The following DLEU7 variants were observed in gnomAD, a reference collection of about 807,000 sequenced individuals.
DLEU7 encodes leukemia-associated protein 7.
In DLEU7, 17 loss-of-function variants were observed where a neutral mutation model predicts 16.0. The ratio of observed to expected loss-of-function variants is 1.06; its 90% CI spans 0.73 to 1.59. The LOEUF (loss-of-function observed/expected upper bound fraction) is 1.59. Among genes scored for constraint, DLEU7 ranks in the 40% most tolerant of loss-of-function variants. The pLI is 0.00. For missense variants in DLEU7, 308 were observed against 314.9 expected (o/e 0.98, Z 0.17); for synonymous variants, 113 against 139.8 (o/e 0.81, Z 1.35).
At chr13:50,806,923 AC>A (rs1053633048) in intron 1 of DLEU7, among the ~76,000 whole-genome samples, 1 of 135,056 alleles carries the variant, frequency 7.4e-6, no homozygotes, top group Non-Finnish European at 1.5e-5. Flanking sequence ...AGCCTGGGTG[AC>A]AGAGCTAGAC....
At chr13:50,718,922 G>A (rs1414836771) in intron 1 of DLEU7, among the ~76,000 whole-genome samples, 1 of 152,082 alleles carries the variant, frequency 6.6e-6, no homozygotes, top group Non-Finnish European at 1.5e-5. Context: ...TCAACAATGG[G>A]GGTTATAAAA....
chr13:50,785,280 T>C (rs1875768483), intron 1 of DLEU7, among the ~76,000 whole-genome samples: 1 of 152,196 alleles, frequency 6.6e-6, no homozygotes, highest in South Asian at 2.1e-4. Context: ...CTTTCAATTA[T>C]TTCACATCTT....
intron 1 of DLEU7, among the ~76,000 whole-genome samples, chr13:50,798,249 C>A (rs201975974): frequency 6.6e-6 from 1 of 152,188 alleles, no homozygotes; most frequent in Admixed American, 6.5e-5. Context: ...TGTATATTTA[C>A]AACTCATTCA....
chr13:50,763,922 A>G (rs1875021806), intron 1 of DLEU7, among the ~76,000 whole-genome samples: 1 of 152,230 alleles, frequency 6.6e-6, no homozygotes, highest in Non-Finnish European at 1.5e-5. Context: ...ACACCTGATA[A>G]ATGTCTGTAA....
At chr13:50,736,035 A>G (rs574581910) in intron 1 of DLEU7, among the ~76,000 whole-genome samples, 4 of 152,304 alleles carry the variant, frequency 2.6e-5, no homozygotes, top group Admixed American at 2.0e-4. Flanking sequence ...AAATAGTTCT[A>G]TCATGAAAAT....
At chr13:50,801,817 G>A (rs1212433037) in intron 1 of DLEU7, among the ~76,000 whole-genome samples, 1 of 152,062 alleles carries the variant, frequency 6.6e-6, no homozygotes, top group African/African-American at 2.4e-5. Context: ...TGTTTCCATG[G>A]TAGTGTTATT....
intron 1 of DLEU7, among the ~76,000 whole-genome samples, chr13:50,814,223 C>T (rs1876654755): frequency 6.6e-6 from 1 of 152,062 alleles, no homozygotes; most frequent in Admixed American, 6.6e-5. Flanking sequence ...CTTAGCTCTC[C>T]TCTACAAGGT....
intron 1 of DLEU7, among the ~76,000 whole-genome samples, chr13:50,770,696 G>A (rs948758066): frequency 3.9e-5 from 6 of 152,210 alleles, no homozygotes; most frequent in Non-Finnish European, 5.9e-5. Context: ...GAGGATTTTC[G>A]CATCGATGTT....
At chr13:50,741,106 A>G (rs893679522) in intron 1 of DLEU7, among the ~76,000 whole-genome samples, 2 of 152,174 alleles carry the variant, frequency 1.3e-5, no homozygotes, top group Admixed American at 6.5e-5. Flanking sequence ...TCTCTTCTCA[A>G]CGTATTTCTA....
At chr13:50,795,211 C>T (rs1055005552) in intron 1 of DLEU7, among the ~76,000 whole-genome samples, 2 of 152,132 alleles carry the variant, frequency 1.3e-5, no homozygotes, top group Non-Finnish European at 2.9e-5. Flanking sequence ...AAAGTAGCCT[C>T]TGGTCAGGGG....
chr13:50,842,138 G>A (rs1406287355), intron 1 of DLEU7, among the ~76,000 whole-genome samples: 2 of 152,110 alleles, frequency 1.3e-5, no homozygotes, highest in East Asian at 1.9e-4. Flanking sequence ...AAACCCCTAC[G>A]TAGAGAAACA....
At chr13:50,841,955 C>T (rs761262275) in intron 1 of DLEU7, among the ~76,000 whole-genome samples, 13 of 151,728 alleles carry the variant, frequency 8.6e-5, no homozygotes, top group Admixed American at 3.9e-4. Flanking sequence ...GCCCCCGCCA[C>T]CTTTGGCAGT....
At chr13:50,717,647 A>C (rs1347785845) in intron 1 of DLEU7, among the ~76,000 whole-genome samples, 2 of 151,816 alleles carry the variant, frequency 1.3e-5, no homozygotes, top group Non-Finnish European at 2.9e-5. Context: ...TCCATAAATC[A>C]GAACACTTTA....
chr13:50,786,417 TACA>T, intron 1 of DLEU7, among the ~76,000 whole-genome samples: 1 of 152,360 alleles, frequency 6.6e-6, no homozygotes. Flanking sequence ...ACGTGTACTA[TACA>T]ACATTAATAC....
Position 50,843,150 on chromosome 13 carries a change from C to A in DLEU7, c.459+38G>T. ...CCCACCCTTGGAGGATGGGAGGTTA[C>A]CCTGCACGCCAGAGGGGATGGCGGG... is the stretch of plus-strand genomic sequence containing the variant. On this transcript the variant is annotated intron_variant, in intron 1 of 1. Transcript: ENST00000504404. The surrounding 1 kb of genome is among the most constrained non-coding windows in gnomAD (Gnocchi z 5.7). 6.4e-7 allele frequency: 1 copy of A among 1,559,330 alleles called. No individual in the cohort carries two copies. The highest frequency in any genetic ancestry group is 1.2e-5 in the South Asian group (1 of 85,932).
chr13:50,780,409 A>G (rs1875620446), intron 1 of DLEU7, among the ~76,000 whole-genome samples: 1 of 152,230 alleles, frequency 6.6e-6, no homozygotes, highest in African/African-American at 2.4e-5. Flanking sequence ...TTTTTTACTA[A>G]CGACTCATTT....
At chr13:50,744,463 G>A (rs900239487) in intron 1 of DLEU7, among the ~76,000 whole-genome samples, 4 of 152,136 alleles carry the variant, frequency 2.6e-5, no homozygotes, top group Non-Finnish European at 4.4e-5. Flanking sequence ...AGTGTTAAAC[G>A]TTAACTCACA....
At chr13:50,745,999 G>A (rs549507380) in intron 1 of DLEU7, among the ~76,000 whole-genome samples, 3 of 152,114 alleles carry the variant, frequency 2.0e-5, no homozygotes, top group South Asian at 2.1e-4. Flanking sequence ...TTAGGGAACC[G>A]TAATGCCTAA....
chr13:50,843,702 G>A, upstream of DLEU7: 1 of 1,476,350 alleles, frequency 6.8e-7, no homozygotes. This position sits in a 1 kb window ranked among gnomAD's most constrained non-coding sequence, Gnocchi z 5.7. Context: ...CAGCGAGGGA[G>A]GCGGGGGCGT....
Sources: gnomAD v4.1 joint callset for allele counts (sites outside exome capture counted in the v4.1 genomes callset) on GRCh38, gnomAD v4.1.1 for gene constraint, Gnocchi (gnomAD v3.1) non-coding constraint, MANE v1.5 for transcripts, NCBI Gene and HGNC (gene_info 2026-07-23, HGNC 2026-07-21) for gene names.